The following FRMD3 variants were observed in gnomAD, a reference collection of about 807,000 sequenced individuals.
FRMD3 encodes the protein FERM domain containing 3.
A neutral mutation model predicts 70.2 loss-of-function variants in FRMD3; 33 were observed. The observed-to-expected ratio is 0.47, with a 90% CI of 0.36 to 0.63. FRMD3 has a LOEUF of 0.63. Among genes scored for constraint, FRMD3 ranks in the 20% least tolerant of loss-of-function variants. The probability of loss-of-function intolerance (pLI) is 0.00; values close to 1 mark genes in which losing one functional copy is unlikely to be tolerated. For synonymous variants in FRMD3, 279 were observed against 255.9 expected (o/e 1.09, Z -0.86); for missense variants, 632 against 711.4 (o/e 0.89, Z 1.27).
chr9:83,424,729 C>A (rs1342454126), intron 1 of FRMD3, among the ~76,000 whole-genome samples: 1 of 152,208 alleles, frequency 6.6e-6, no homozygotes, highest in Non-Finnish European at 1.5e-5. Flanking sequence ...ACGGTTTCAT[C>A]TTTAAAAACA....
chr9:83,578,173 G>A, the FRMD3 span, among the ~76,000 whole-genome samples: 106 of 151,844 alleles, frequency 7.0e-4, 6 homozygotes, highest in South Asian at 0.022. Flanking sequence ...GTAAGGAGCT[G>A]AATCCGTAAT....
At chr9:83,440,179 T>C (rs780423838) in intron 1 of FRMD3, among the ~76,000 whole-genome samples, 2 of 152,204 alleles carry the variant, frequency 1.3e-5, no homozygotes, top group Non-Finnish European at 2.9e-5. Context: ...GCCTGGGTCA[T>C]TTCTAAGGTC....
At chr9:83,463,109 A>C (rs1203873052) in intron 1 of FRMD3, among the ~76,000 whole-genome samples, 1 of 152,182 alleles carries the variant, frequency 6.6e-6, no homozygotes, top group Non-Finnish European at 1.5e-5. Flanking sequence ...AGGAAAGGAA[A>C]TTAGAATACC....
chr9:83,426,922 C>G (rs1305060033), intron 1 of FRMD3, among the ~76,000 whole-genome samples: 6 of 152,170 alleles, frequency 3.9e-5, no homozygotes, highest in Non-Finnish European at 8.8e-5. Flanking sequence ...GGCTTGAGAA[C>G]TTGGAGAAGG....
chr9:83,509,157 C>A (rs1317956012), intron 1 of FRMD3, among the ~76,000 whole-genome samples: 1 of 152,148 alleles, frequency 6.6e-6, no homozygotes, highest in East Asian at 1.9e-4. Context: ...GTAGCTGTAT[C>A]CCTAGCACCT....
At chr9:83,536,930 T>TAAAAAAAAAAAAAAAAAAAAAAAAAAAAA (rs142272516) in intron 1 of FRMD3, among the ~76,000 whole-genome samples, 2 of 60,894 alleles carry the variant, frequency 3.3e-5, no homozygotes, top group African/African-American at 1.2e-4. Context: ...TGTATTACAC[T>TAAAAAAAAAAAAAAAAAAAAAAAAAAAAA]AAAAAAAAAA....
intron 1 of FRMD3, among the ~76,000 whole-genome samples, chr9:83,536,733 C>T (rs191560972): frequency 2.0e-5 from 3 of 152,086 alleles, no homozygotes; most frequent in African/African-American, 4.8e-5. Flanking sequence ...GACACTTGTC[C>T]GGCTGTCAGG....
chr9:83,296,655 G>A (rs1834673365), intron 12 of FRMD3, among the ~76,000 whole-genome samples: 1 of 152,132 alleles, frequency 6.6e-6, no homozygotes, highest in Admixed American at 6.5e-5. Context: ...TTCAAAGCAG[G>A]TCTCAAGGGC....
chr9:83,577,777 C>G, the FRMD3 span, among the ~76,000 whole-genome samples: 2 of 151,488 alleles, frequency 1.3e-5, no homozygotes, highest in Non-Finnish European at 3.0e-5. Flanking sequence ...CTTCAAGCAA[C>G]TAGAAAAAGA....
chr9:83,448,657 C>T (rs957330322), intron 1 of FRMD3, among the ~76,000 whole-genome samples: 1 of 152,174 alleles, frequency 6.6e-6, no homozygotes, highest in Non-Finnish European at 1.5e-5. Flanking sequence ...CCATTCCCCT[C>T]CCTAAGACCA....
chr9:83,410,511 T>G lies in FRMD3; in HGVS notation c.148-20803A>C, dbSNP rs1826247548. 4.6e-5 allele frequency among the ~76,000 whole-genome samples: 7 copies of G among 152,334 alleles called. No homozygotes were observed. In the South Asian group the frequency reaches 1.5e-3, roughly 32 times the overall value. On this transcript the variant is annotated intron_variant, in intron 1 of 13. Coordinates refer to ENST00000304195, the MANE Select transcript of FRMD3 (RefSeq NM_174938.6). ...TTTATGACTGAATAGTATTCCACTG[T>G]GTATAGGTACCACATTTTCTTTATC...
chr9:83,472,678 G>T (rs1828297184), intron 1 of FRMD3, among the ~76,000 whole-genome samples: 1 of 152,144 alleles, frequency 6.6e-6, no homozygotes, highest in Admixed American at 6.5e-5. Context: ...AGAAAAGTCA[G>T]ATTTTCTTAC....
intron 1 of FRMD3, among the ~76,000 whole-genome samples, chr9:83,423,568 TTGCACTAGCCC>T (rs1186750664): frequency 1.3e-5 from 2 of 148,910 alleles, no homozygotes; most frequent in East Asian, 4.0e-4. Flanking sequence ...AGTTCCCTAG[TTGCACTAGCCC>T]TGTTTCTTTT....
At chr9:83,519,507 G>A (rs1483933561) in intron 1 of FRMD3, among the ~76,000 whole-genome samples, 1 of 152,222 alleles carries the variant, frequency 6.6e-6, no homozygotes, top group East Asian at 1.9e-4. Flanking sequence ...TGCTGGAGAG[G>A]ATGTGGAGAA....
At chr9:83,411,784 C>G (rs956119773) in intron 1 of FRMD3, among the ~76,000 whole-genome samples, 3 of 152,186 alleles carry the variant, frequency 2.0e-5, no homozygotes, top group African/African-American at 7.2e-5. Context: ...AATTTTTCAC[C>G]TCATTCATTC....
chr9:83,578,505 C>T, the FRMD3 span, among the ~76,000 whole-genome samples: 1 of 151,892 alleles, frequency 6.6e-6, no homozygotes. Flanking sequence ...CCCAGGGATG[C>T]AAGGATGGTT....
Position 83,310,539 on chromosome 9 carries a change from G to A in FRMD3, c.783C>T (p.Val261=), listed in dbSNP as rs1346735607. ...KRIHLIKWPD[V]CKLKFEGKTF... ...TCTTCCCTTCAAACTTCAATTTGCA[G>A]ACATCTGGCCTAAGAAAAGAAAATC... is the stretch of plus-strand genomic sequence containing the variant. Residue 261 remains valine (V), a synonymous_variant, in exon 9 of 14, where the codon GTC becomes GTT. Transcript: ENST00000304195. 6.2e-7 allele frequency: 1 copy of A among 1,602,926 alleles called. No individual in the cohort carries two copies. Among genetic ancestry groups the A allele is most frequent in the Non-Finnish European group, 8.5e-7 (1 of 1,177,278 alleles).
chr9:83,413,037 G>C (rs1455218629), intron 1 of FRMD3, among the ~76,000 whole-genome samples: 1 of 151,732 alleles, frequency 6.6e-6, no homozygotes, highest in Non-Finnish European at 1.5e-5. Flanking sequence ...AGAAAAGAAA[G>C]ATAAGAAAAA....
chr9:83,369,573 T>C lies in FRMD3; in HGVS notation c.295+3340A>G, dbSNP rs558479438. ...GCCTGGATGACAGAGTGAGACTCTG[T>C]CTCAAAATAAATAAATAAATAAATA... On this transcript the variant is annotated intron_variant, in intron 3 of 13. Coordinates refer to ENST00000304195, the MANE Select transcript of FRMD3 (RefSeq NM_174938.6). Among the ~76,000 whole-genome samples, 68 of 127,934 alleles carry C rather than the reference T, an allele frequency of 5.3e-4. No homozygotes were observed. The South Asian group carries it at 0.017, about 33-fold the overall frequency. The allele number at this position is 127,934 out of a possible 152,430, so 83.9% of individuals were successfully genotyped here.
Sources: allele counts gnomAD v4.1 joint callset (sites outside exome capture counted in the v4.1 genomes callset), GRCh38; gene constraint gnomAD v4.1.1; transcripts MANE v1.5; gene names NCBI Gene and HGNC (gene_info 2026-07-23, HGNC 2026-07-21).